Variants in NT5DC1 observed in about 807,000 individuals in gnomAD.
NT5DC1 encodes the protein 5'-nucleotidase domain-containing protein 1.
NT5DC1 carries 42 observed loss-of-function variants against 59.4 expected under a neutral mutation model. The observed-to-expected ratio is 0.71, with a 90% CI of 0.55 to 0.92. NT5DC1 has a LOEUF of 0.92. Among genes scored for constraint, NT5DC1 ranks in the 40% least tolerant of loss-of-function variants. NT5DC1 has a pLI of 0.00. For synonymous variants in NT5DC1, 172 were observed against 188.1 expected (o/e 0.91, Z 0.70); for missense variants, 501 against 537.1 (o/e 0.93, Z 0.66).
intron 6 of NT5DC1, among the ~76,000 whole-genome samples, chr6:116,151,452 G>A (rs550338521): frequency 4.6e-5 from 7 of 152,164 alleles, no homozygotes; most frequent in Non-Finnish European, 1.0e-4. Flanking sequence ...GGCATTTATA[G>A]AGTAAAATTT....
At chr6:116,196,156 C>A (rs1284396529) in intron 6 of NT5DC1, among the ~76,000 whole-genome samples, 1 of 152,026 alleles carries the variant, frequency 6.6e-6, no homozygotes, top group African/African-American at 2.4e-5. Context: ...GTCGTCCTTT[C>A]CTTATTACTC....
rs1398834158 is a variant in NT5DC1 at position 116,244,289 on chromosome 6, A to C, written c.*265A>C. The stretch of plus-strand genomic sequence containing the variant: ...AGAATTCACCTGGGGACACACACTC[A>C]CACGCACAGTCACTCTTACACATAT... On this transcript the variant is annotated 3_prime_UTR_variant, in exon 12 of 12. Transcript: ENST00000319550. The C allele has an allele frequency of 8.3e-6, 2 of 241,206 alleles. No homozygotes were observed. Among genetic ancestry groups the C allele is most frequent in the Non-Finnish European group, 1.6e-5 (2 of 124,270 alleles). The allele number at this position is 241,206 out of a possible 1,614,324, so 14.9% of individuals were successfully genotyped here.
chr6:116,198,385 C>T (rs1317892763), intron 6 of NT5DC1, among the ~76,000 whole-genome samples: 1 of 151,992 alleles, frequency 6.6e-6, no homozygotes, highest in East Asian at 1.9e-4. Context: ...CCCTGCTTGA[C>T]TCAAGCAGCT....
At chr6:116,135,879 A>ATGTATGTATGTATATATATATATATG (rs1779588376) in intron 6 of NT5DC1, among the ~76,000 whole-genome samples, 2 of 146,200 alleles carry the variant, frequency 1.4e-5, no homozygotes, top group African/African-American at 5.0e-5. Flanking sequence ...ATATACACAC[A>ATGTATGTATGTATATATATATATATG]TACACACACA....
chr6:116,186,614 T>C (rs1196296686), intron 6 of NT5DC1, among the ~76,000 whole-genome samples: 1 of 152,094 alleles, frequency 6.6e-6, no homozygotes, highest in African/African-American at 2.4e-5. Flanking sequence ...ATTGAGTTAA[T>C]TTGAAAGCCT....
At chr6:116,104,142 C>G (rs1306807915) in intron 1 of NT5DC1, among the ~76,000 whole-genome samples, 1 of 152,118 alleles carries the variant, frequency 6.6e-6, no homozygotes, top group Non-Finnish European at 1.5e-5. Context: ...AGAGACTCAG[C>G]GTACTCTAAG....
chr6:116,170,528 C>T (rs767283747), intron 6 of NT5DC1, among the ~76,000 whole-genome samples: 1 of 152,044 alleles, frequency 6.6e-6, no homozygotes, highest in Non-Finnish European at 1.5e-5. Flanking sequence ...CAGAAGTGTA[C>T]GTAAAGTACC....
In NT5DC1 at chr6:116,165,265, G is replaced by C. The variant is rs149854996; in HGVS notation, c.529+47320G>C. 3.2e-4 allele frequency among the ~76,000 whole-genome samples: 48 copies of C among 152,180 alleles called. No individual in the cohort carries two copies. The East Asian group carries it at 7.7e-3, about 24-fold the overall frequency. ...GATCCTTTTTTCTAGTGGCGTTTAAGATTTTTTCTTTAGCATTGACCTTGG... is the reference window on the plus strand; with the variant it reads ...GATCCTTTTTTCTAGTGGCGTTTAACATTTTTTCTTTAGCATTGACCTTGG... On this transcript the variant is annotated intron_variant, in intron 6 of 11. Transcript: ENST00000319550.
At chr6:116,168,643 TTTATA>T (rs1261235006) in intron 6 of NT5DC1, among the ~76,000 whole-genome samples, 3 of 152,268 alleles carry the variant, frequency 2.0e-5, no homozygotes, top group Middle Eastern at 3.4e-3. Context: ...TTGTTTTGTT[TTTATA>T]TTATATTGTC....
intron 6 of NT5DC1, among the ~76,000 whole-genome samples, chr6:116,162,137 A>G (rs1780349602): frequency 1.3e-5 from 2 of 152,120 alleles, no homozygotes; most frequent in African/African-American, 4.8e-5. Context: ...GTATCCTGAG[A>G]CTTTAGCAAA....
intron 8 of NT5DC1, among the ~76,000 whole-genome samples, chr6:116,225,119 C>T (rs1204802): frequency 0.32 from 49,344 of 151,926 alleles, 9,750 homozygotes; most frequent in African/African-American, 0.56. Flanking sequence ...GATGGTGGTA[C>T]CATTTACAGA....
chr6:116,136,087 T>G (rs1388023668), intron 6 of NT5DC1, among the ~76,000 whole-genome samples: 14 of 152,064 alleles, frequency 9.2e-5, no homozygotes, highest in Non-Finnish European at 1.5e-5. Flanking sequence ...AACATCTCCC[T>G]GTGACCCTCC....
intron 8 of NT5DC1, among the ~76,000 whole-genome samples, chr6:116,236,685 A>G (rs1277995852): frequency 6.6e-6 from 1 of 152,220 alleles, no homozygotes; most frequent in Non-Finnish European, 1.5e-5. Flanking sequence ...CATGATGTCA[A>G]GCAGATGTCT....
chr6:116,150,129 A>G (rs1278264132), intron 6 of NT5DC1, among the ~76,000 whole-genome samples: 1 of 152,200 alleles, frequency 6.6e-6, no homozygotes, highest in African/African-American at 2.4e-5. Flanking sequence ...GACAAGGGCA[A>G]TGAGAGGCCA....
intron 6 of NT5DC1, among the ~76,000 whole-genome samples, chr6:116,141,217 C>T (rs1211582613): frequency 1.3e-5 from 2 of 150,904 alleles, no homozygotes; most frequent in African/African-American, 4.9e-5. Context: ...TTTGTGTTTA[C>T]TCCTCTCTCA....
chr6:116,200,643 T>C (rs1026179485), intron 6 of NT5DC1, among the ~76,000 whole-genome samples: 7 of 152,040 alleles, frequency 4.6e-5, no homozygotes, highest in Non-Finnish European at 8.8e-5. Context: ...AGCTCTGGTA[T>C]ATAATTCCCT....
At chr6:116,222,350 C>A (rs1250630717) in intron 7 of NT5DC1, among the ~76,000 whole-genome samples, 1 of 152,014 alleles carries the variant, frequency 6.6e-6, no homozygotes, top group Non-Finnish European at 1.5e-5. Flanking sequence ...ATCTTAATTT[C>A]TATGTATTGC....
At chr6:116,184,922 G>A (rs1476464911) in intron 6 of NT5DC1, among the ~76,000 whole-genome samples, 1 of 151,690 alleles carries the variant, frequency 6.6e-6, no homozygotes, top group East Asian at 1.9e-4. Flanking sequence ...GCTGGGTTTG[G>A]GTTTGGTTTG....
At chr6:116,125,648 A>G (rs1779279860) in intron 6 of NT5DC1, 1 of 670,336 alleles carries the variant, frequency 1.5e-6, no homozygotes, top group South Asian at 2.0e-5. Flanking sequence ...CCATAAATAA[A>G]TGAGAGATCA....
Sources: allele counts gnomAD v4.1 joint callset (sites outside exome capture counted in the v4.1 genomes callset), GRCh38; gene constraint gnomAD v4.1.1; transcripts MANE v1.5; gene names NCBI Gene and HGNC (gene_info 2026-07-23, HGNC 2026-07-21).